BCAS3: variants seen among roughly 807,000 people sequenced by gnomAD.
BCAS3 encodes the protein BCAS4/BCAS3 fusion.
Under a neutral mutation model 116.1 loss-of-function variants are expected in BCAS3, and 53 were observed. That is an observed-to-expected ratio of 0.46 (90% CI 0.37 to 0.57). The LOEUF is 0.57. Among genes scored for constraint, BCAS3 ranks in the 20% least tolerant of loss-of-function variants. The probability of loss-of-function intolerance (pLI) is 0.00; values close to 1 mark genes in which losing one functional copy is unlikely to be tolerated. For missense variants in BCAS3, 917 were observed against 1,165.4 expected, an observed-to-expected ratio of 0.79 and a Z score of 3.10; for synonymous variants, 391 against 408.2, an observed-to-expected ratio of 0.96 and a Z score of 0.51.
chr17:61,177,536 G>A (rs1384333484), intron 22 of BCAS3, among the ~76,000 whole-genome samples: 1 of 152,136 alleles, frequency 6.6e-6, no homozygotes, highest in East Asian at 1.9e-4. Flanking sequence ...TGGTTTCCTG[G>A]ATATCCAAAT....
chr17:60,975,258 C>T (rs1040389590), intron 14 of BCAS3, among the ~76,000 whole-genome samples: 1 of 152,060 alleles, frequency 6.6e-6, no homozygotes, highest in Non-Finnish European at 1.5e-5. Context: ...GCCTCGGCCT[C>T]CCAAAGTGCT....
At chr17:61,293,553 G>A (rs978778754) in intron 22 of BCAS3, among the ~76,000 whole-genome samples, 1 of 152,102 alleles carries the variant, frequency 6.6e-6, no homozygotes, top group African/African-American at 2.4e-5. Context: ...AGCAGAACAA[G>A]GTCTTCATAT....
At position 61,390,856 on chromosome 17, in the gene BCAS3, C is replaced by T. The variant is rs1256543291; in HGVS notation, c.2594-1121C>T. 3 of 151,130 alleles carry T rather than the reference C, an allele frequency of 2.0e-5. No individual in the cohort carries two copies. The East Asian group carries it at 5.8e-4, about 29-fold the overall frequency. The allele number at this position is 151,130 out of a possible 1,614,324, so 9.4% of individuals were successfully genotyped here. On this transcript the variant is annotated intron_variant, in intron 23 of 23. Transcript: ENST00000407086. This position sits in a 1 kb window ranked among gnomAD's most constrained non-coding sequence, Gnocchi z 6.8. ...AGTGACTGCTTTGAGGTCCTGCACT[C>T]CTGGGTGGACAGGCCAGACTCCTTC... is the stretch of plus-strand genomic sequence containing the variant.
Position 60,960,281 on chromosome 17 carries a change from G to A in BCAS3, c.1221+12929G>A, listed in dbSNP as rs74400671. The stretch of plus-strand genomic sequence containing the variant: ...CTAAATTTTTTTTAAAAATATTATC[G>A]GCTCAAAGGTCCAATCTTATCATCT... On this transcript the variant is annotated intron_variant, in intron 14 of 23. Transcript: ENST00000407086. This position sits in a 1 kb window ranked among gnomAD's most constrained non-coding sequence, Gnocchi z 4.1. 1.6e-3 allele frequency among the ~76,000 whole-genome samples: 248 copies of A among 151,814 alleles called. 9 individuals carry two copies. The East Asian group carries it at 0.041, about 25-fold the overall frequency.
At chr17:60,780,966 T>C (rs974712881) in intron 6 of BCAS3, among the ~76,000 whole-genome samples, 1 of 152,108 alleles carries the variant, frequency 6.6e-6, no homozygotes, top group South Asian at 2.1e-4. Context: ...ATTTTTTGTC[T>C]TTTTTGCCAT....
In BCAS3 at chr17:60,812,998, C is replaced by T. The variant is rs546262542; in HGVS notation, c.476+4922C>T. On this transcript the variant is annotated intron_variant, in intron 7 of 23. Transcript: ENST00000407086. Reference sequence around the variant, plus strand: ...CTTCAAGCAATCCTCCTATCCCAGCCTGCCAAAATGTTGCAATTACAAGTA... The same window carrying T: ...CTTCAAGCAATCCTCCTATCCCAGCTTGCCAAAATGTTGCAATTACAAGTA... 3.9e-5 allele frequency among the ~76,000 whole-genome samples: 6 copies of T among 152,244 alleles called. No homozygotes were observed. The East Asian group carries it at 1.2e-3, about 29-fold the overall frequency.
At chr17:60,906,707 C>T (rs1244752177) in intron 11 of BCAS3, among the ~76,000 whole-genome samples, 2 of 152,090 alleles carry the variant, frequency 1.3e-5, no homozygotes, top group East Asian at 3.9e-4. Context: ...TAGTTGTTCT[C>T]ATTAGTGGAA....
Position 61,088,386 on chromosome 17 carries a change from A to G in BCAS3, c.2425+3822A>G, listed in dbSNP as rs962785319. On this transcript the variant is annotated intron_variant, in intron 22 of 23. Transcript: ENST00000407086. The surrounding 1 kb of genome is among the most constrained non-coding windows in gnomAD (Gnocchi z 4.2). ...ACTTTTTCCCATATCCAGCTGATGA[A>G]CAACAATGTCGATGAATCATTGATA... 3.3e-5 allele frequency among the ~76,000 whole-genome samples: 5 copies of G among 152,354 alleles called. No individual in the cohort carries two copies. In the East Asian group the frequency reaches 9.6e-4, roughly 29 times the overall value.
chr17:61,038,176 G>T, intron 18 of BCAS3, 122 bp downstream of exon 18: 3 of 815,100 alleles, frequency 3.7e-6, no homozygotes, highest in Non-Finnish European at 3.7e-6. Flanking sequence ...AATTAACATG[G>T]TAAACAAATA....
rs1017981587 is a variant in BCAS3, at chr17:61,235,195, C to T, written c.2426-133132C>T. 9.2e-5 allele frequency among the ~76,000 whole-genome samples: 14 copies of T among 152,108 alleles called. No homozygotes were observed. Among genetic ancestry groups the T allele is most frequent in the Non-Finnish European group, 1.8e-4 (12 of 68,016 alleles). On this transcript the variant is annotated intron_variant, in intron 22 of 23. Transcript: ENST00000407086. The surrounding 1 kb of genome is among the most constrained non-coding windows in gnomAD (Gnocchi z 5.0). The stretch of plus-strand genomic sequence containing the variant: ...AACCACCACGCCTGGCTGTCTGCCC[C>T]CCGCCTGTCCTAAGCACTTTAAATG...
rs2071635945 is a variant in BCAS3, at chr17:61,073,539, G to A, written c.2030-1381G>A. On this transcript the variant is annotated intron_variant, in intron 19 of 23. Transcript: ENST00000407086. The surrounding 1 kb of genome is among the most constrained non-coding windows in gnomAD (Gnocchi z 4.6). ...ATTCTCTTTCACTGCTTGGGTAAGT[G>A]TATAACTCTTTCTGGGAACATATAT... Among the ~76,000 whole-genome samples, 1 of 152,106 alleles carries A rather than the reference G, an allele frequency of 6.6e-6. No homozygotes were observed. The highest frequency in any genetic ancestry group is 1.5e-5 in the Non-Finnish European group (1 of 68,030).
In BCAS3 at chr17:61,345,006, G is replaced by A. The variant is rs187394983; in HGVS notation, c.2426-23321G>A. Among the ~76,000 whole-genome samples, 15 of 152,162 alleles carry A rather than the reference G, an allele frequency of 9.9e-5. No individual in the cohort carries two copies. The East Asian group carries it at 2.7e-3, about 27-fold the overall frequency. On this transcript the variant is annotated intron_variant, in intron 22 of 23. Transcript: ENST00000407086. ...CCCTTCTCATGCGGAGGAAGCACAG[G>A]GTAATCTGGATTATAAACCATCCGC... is the stretch of plus-strand genomic sequence containing the variant.
intron 14 of BCAS3, among the ~76,000 whole-genome samples, chr17:60,971,372 T>C (rs1352386952): frequency 6.6e-6 from 1 of 152,188 alleles, no homozygotes; most frequent in Admixed American, 6.5e-5. Context: ...CCATATTGTC[T>C]CTATACTCAG....
intron 14 of BCAS3, among the ~76,000 whole-genome samples, chr17:60,984,976 C>T (rs905087163): frequency 1.5e-5 from 2 of 137,334 alleles, no homozygotes; most frequent in African/African-American, 2.8e-5. Flanking sequence ...CACCACTGCA[C>T]TCTAGCCTGG....
chr17:61,116,507 C>G (rs2075465247), intron 22 of BCAS3, among the ~76,000 whole-genome samples: 1 of 152,138 alleles, frequency 6.6e-6, no homozygotes, highest in African/African-American at 2.4e-5. Context: ...TTTGCCTCAA[C>G]TCTCACACAT....
In BCAS3 at chr17:60,995,311, C is replaced by T. The variant is rs2145451254; in HGVS notation, c.1486+5076C>T. Among the ~76,000 whole-genome samples, 2 of 152,294 alleles carry T rather than the reference C, an allele frequency of 1.3e-5. No individual in the cohort carries two copies. Among genetic ancestry groups the T allele is most frequent in the East Asian group, 3.9e-4 (2 of 5,190 alleles). On this transcript the variant is annotated intron_variant, in intron 15 of 23. Coordinates refer to ENST00000407086, the MANE Select transcript of BCAS3 (RefSeq NM_017679.5). This position sits in a 1 kb window ranked among gnomAD's most constrained non-coding sequence, Gnocchi z 4.7. ...GGGATTACAGGTGCCCGCCACCATG[C>T]CTGGCTAATTTTTGTATATTTAGTG...
rs908540789 is a variant in BCAS3 at position 61,214,704 on chromosome 17, AAAAG to A, written c.2425+130144_2425+130147del. Among the ~76,000 whole-genome samples, 2 of 152,194 alleles carry A rather than the reference AAAAG, an allele frequency of 1.3e-5. No individual in the cohort carries two copies. Among genetic ancestry groups the A allele is most frequent in the African/African-American group, 4.8e-5 (2 of 41,448 alleles). On this transcript the variant is annotated intron_variant, in intron 22 of 23. Coordinates refer to ENST00000407086, the MANE Select transcript of BCAS3 (RefSeq NM_017679.5). This position sits in a 1 kb window ranked among gnomAD's most constrained non-coding sequence, Gnocchi z 4.4. ...AGACTCCATCTCAAAAAAAAAGAAAAAAAGAAAAAAATTCAAAAACATTTTTTAA... is the reference window on the plus strand; with the variant it reads ...AGACTCCATCTCAAAAAAAAAGAAAAAAAAAAATTCAAAAACATTTTTTAA...
At chr17:60,763,374 T>A (rs2043744901) in intron 6 of BCAS3, among the ~76,000 whole-genome samples, 1 of 152,082 alleles carries the variant, frequency 6.6e-6, no homozygotes, top group Non-Finnish European at 1.5e-5. Context: ...CGTTCCATCA[T>A]TACCTAGTTT....
At chr17:61,000,117 T>C (rs1033519242) in intron 15 of BCAS3, among the ~76,000 whole-genome samples, 1 of 152,142 alleles carries the variant, frequency 6.6e-6, no homozygotes, top group African/African-American at 2.4e-5. Flanking sequence ...TAATGCCTTT[T>C]ATTTATTTCT....
Sources: gnomAD v4.1 joint callset for allele counts (sites outside exome capture counted in the v4.1 genomes callset) on GRCh38, gnomAD v4.1.1 for gene constraint, Gnocchi (gnomAD v3.1) non-coding constraint, MANE v1.5 for transcripts, NCBI Gene and HGNC (gene_info 2026-07-23, HGNC 2026-07-21) for gene names.